Variants in RALGPS1 observed in about 807,000 individuals in gnomAD.
RALGPS1 encodes ras-specific guanine nucleotide-releasing factor RalGPS1.
RALGPS1 carries 19 observed loss-of-function variants against 78.8 expected under a neutral mutation model. The observed-to-expected ratio is 0.24, with a 90% CI of 0.17 to 0.35. The LOEUF is 0.35. RALGPS1 is among the 10% of genes least tolerant of loss of function. The pLI, the probability that RALGPS1 is intolerant of heterozygous loss-of-function variation, is 1.00. For synonymous variants in RALGPS1, 228 were observed against 256.3 expected (o/e 0.89, Z 1.06); for missense variants, 454 against 688.3 (o/e 0.66, Z 3.81).
chr9:126,928,445 GT>G (rs2035499622), intron 1 of RALGPS1, among the ~76,000 whole-genome samples: 2 of 152,168 alleles, frequency 1.3e-5, no homozygotes, highest in African/African-American at 4.8e-5. Flanking sequence ...CAGATAGAAA[GT>G]AGAGGCAGGA....
At chr9:126,962,019 G>A (rs1378510083) in intron 1 of RALGPS1, among the ~76,000 whole-genome samples, 2 of 152,164 alleles carry the variant, frequency 1.3e-5, no homozygotes, top group East Asian at 3.9e-4. Context: ...TTAAATGTTG[G>A]TTATTAATTT....
rs114098853 is a variant in RALGPS1, at chr9:127,208,925, G to A, written c.1248-3206G>A. ...CTGTCTCAGGTACTGTGGGAATTCC[G>A]GACAGTCCACTGGCATCACATTCTC... is the stretch of plus-strand genomic sequence containing the variant. On this transcript the variant is annotated intron_variant, in intron 14 of 18. Transcript: ENST00000259351. Among the ~76,000 whole-genome samples the A allele has an allele frequency of 5.5e-3, 836 of 152,294 alleles. 11 individuals are homozygous for A. The highest frequency in any genetic ancestry group is 0.019 in the African/African-American group (802 of 41,542).
intron 1 of RALGPS1, among the ~76,000 whole-genome samples, chr9:126,942,702 T>G (rs2036898655): frequency 6.6e-6 from 1 of 152,250 alleles, no homozygotes; most frequent in Non-Finnish European, 1.5e-5. Flanking sequence ...AAATTTTAAA[T>G]CAATTTGTTG....
intron 8 of RALGPS1, chr9:127,108,805 C>G: frequency 6.9e-7 from 1 of 1,448,858 alleles, no homozygotes; most frequent in South Asian, 1.3e-5. Flanking sequence ...AGGGGAGAAT[C>G]AGTGATGGTC....
rs145893839 is a variant in RALGPS1 at position 127,060,118 on chromosome 9, G to A, written c.483+7179G>A. 2.9e-3 allele frequency among the ~76,000 whole-genome samples: 437 copies of A among 152,276 alleles called. 3 individuals carry two copies. Among genetic ancestry groups the A allele is most frequent in the Middle Eastern group, 0.024 (7 of 294 alleles). On this transcript the variant is annotated intron_variant, in intron 7 of 18. Transcript: ENST00000259351. The stretch of plus-strand genomic sequence containing the variant: ...GGTTGTAATGCCTGCACAGAGAGGA[G>A]AGTCCGGCTGCCCACACATGGGGGG...
chr9:127,127,306 A>T (rs536765101), intron 8 of RALGPS1, among the ~76,000 whole-genome samples: 97 of 152,132 alleles, frequency 6.4e-4, no homozygotes, highest in Middle Eastern at 3.4e-3. Flanking sequence ...GTCTTTTTAA[A>T]TTTTTTTAAT....
chr9:127,169,748 C>T (rs576650009), intron 10 of RALGPS1, among the ~76,000 whole-genome samples: 92 of 152,186 alleles, frequency 6.0e-4, no homozygotes, highest in Non-Finnish European at 1.2e-3. Context: ...TACAGCCATT[C>T]TGTGTTTCAT....
intron 4 of RALGPS1, among the ~76,000 whole-genome samples, chr9:127,002,811 G>A (rs1489752076): frequency 6.6e-6 from 1 of 152,008 alleles, no homozygotes; most frequent in Non-Finnish European, 1.5e-5. Flanking sequence ...ATTCCATGGT[G>A]TATATGTGCC....
intron 11 of RALGPS1, chr9:127,178,270 G>T (rs1161077957): frequency 2.8e-6 from 1 of 354,258 alleles, no homozygotes; most frequent in Non-Finnish European, 5.2e-6. Context: ...GGGGCAAGGG[G>T]TCCAGGAGAT....
chr9:127,035,447 T>G (rs1589135772), intron 5 of RALGPS1, among the ~76,000 whole-genome samples: 1 of 152,204 alleles, frequency 6.6e-6, no homozygotes, highest in East Asian at 1.9e-4. Flanking sequence ...AACCCCCAAA[T>G]TGTACTGTTG....
chr9:127,076,803 G>A (rs1344812692), intron 8 of RALGPS1, among the ~76,000 whole-genome samples: 2 of 152,242 alleles, frequency 1.3e-5, no homozygotes, highest in Non-Finnish European at 2.9e-5. Flanking sequence ...AGGCAAAGGA[G>A]CAAACCAAGG....
At chr9:127,171,751 C>T (rs2139791763) in intron 10 of RALGPS1, among the ~76,000 whole-genome samples, 1 of 151,916 alleles carries the variant, frequency 6.6e-6, no homozygotes, top group Middle Eastern at 3.4e-3. Flanking sequence ...AGTGAGACTC[C>T]ATCTCAAAAA....
intron 11 of RALGPS1, among the ~76,000 whole-genome samples, chr9:127,179,086 C>T (rs1000576164): frequency 6.6e-5 from 10 of 152,218 alleles, no homozygotes; most frequent in African/African-American, 1.9e-4. Context: ...TGACTGCTGA[C>T]TCGGCACAGC....
intron 14 of RALGPS1, among the ~76,000 whole-genome samples, chr9:127,199,502 G>T (rs377165206): frequency 9.3e-6 from 1 of 107,132 alleles, no homozygotes; most frequent in East Asian, 2.8e-4. Context: ...AGGCACTGGT[G>T]ACAGGGAAGT....
At chr9:127,077,500 C>A (rs953554455) in intron 8 of RALGPS1, among the ~76,000 whole-genome samples, 1 of 152,196 alleles carries the variant, frequency 6.6e-6, no homozygotes, top group Non-Finnish European at 1.5e-5. Flanking sequence ...GCCAAGGATG[C>A]GGCAGAGCTG....
intron 4 of RALGPS1, among the ~76,000 whole-genome samples, chr9:126,985,326 A>AGAGCT (rs1028052844): frequency 1.3e-5 from 2 of 152,266 alleles, no homozygotes; most frequent in African/African-American, 4.8e-5. Flanking sequence ...CCAACCTGGC[A>AGAGCT]GAGCTGAGCT....
intron 11 of RALGPS1, among the ~76,000 whole-genome samples, chr9:127,185,802 A>C: frequency 6.6e-6 from 1 of 152,102 alleles, no homozygotes; most frequent in South Asian, 2.1e-4. Flanking sequence ...CCAGTGTAGT[A>C]TCTCCAGCTC....
At chr9:127,177,113 C>T (rs1337397916) in intron 11 of RALGPS1, among the ~76,000 whole-genome samples, 1 of 152,084 alleles carries the variant, frequency 6.6e-6, no homozygotes, top group Non-Finnish European at 1.5e-5. Context: ...GGATCTTTAG[C>T]ACCTGGCATT....
At chr9:127,054,075 T>G (rs1193002120) in intron 7 of RALGPS1, among the ~76,000 whole-genome samples, 1 of 152,180 alleles carries the variant, frequency 6.6e-6, no homozygotes, top group Non-Finnish European at 1.5e-5. Flanking sequence ...GCAGGCAGTT[T>G]GGGCACTATT....
Sources: allele counts gnomAD v4.1 joint callset (sites outside exome capture counted in the v4.1 genomes callset), GRCh38; gene constraint gnomAD v4.1.1; transcripts MANE v1.5; gene names NCBI Gene and HGNC (gene_info 2026-07-23, HGNC 2026-07-21).